The following IFTAP variants were observed in gnomAD, a reference collection of about 807,000 sequenced individuals.
The protein encoded by IFTAP is intraflagellar transport associated protein.
In IFTAP, 19 loss-of-function variants were observed where a neutral mutation model predicts 19.4. The ratio of observed to expected loss-of-function variants is 0.98; its 90% CI spans 0.68 to 1.44. The LOEUF is 1.44. Ranked by LOEUF, IFTAP falls within the 40% of genes most tolerant of loss-of-function variation. The pLI is 0.00. For synonymous variants in IFTAP, 85 were observed against 83.5 expected (o/e 1.02, Z -0.10); for missense variants, 240 against 253.6 (o/e 0.95, Z 0.36).
chr11:36,610,015 C>T lies in IFTAP; in HGVS notation c.-23-66C>T, dbSNP rs906888434. 5.6e-6 allele frequency: 8 copies of T among 1,432,808 alleles called. No homozygotes were observed. The African/African-American group carries it at 1.2e-4, about 21-fold the overall frequency. The allele number at this position is 1,432,808 out of a possible 1,614,324, so 88.8% of individuals were successfully genotyped here. A position where few individuals can be genotyped will look rare whatever the true frequency, so the allele number is the denominator to read the frequency against. ...CCTTGGAATTTTTCAACCTACCCAT[C>T]CAGAATATTTTCAAAGGGGCTGGTA... is the stretch of plus-strand genomic sequence containing the variant. On this transcript the variant is annotated intron_variant, in intron 1 of 5. Coordinates refer to ENST00000334307, the MANE Select transcript of IFTAP (RefSeq NM_138787.4).
chr11:36,640,702 A>G (rs1259435533), intron 4 of IFTAP, among the ~76,000 whole-genome samples: 1 of 152,224 alleles, frequency 6.6e-6, no homozygotes, highest in East Asian at 1.9e-4. Flanking sequence ...GAGAACTCGT[A>G]TCTAGTACTG....
At chr11:36,657,381 C>T (rs1157946890) in intron 5 of IFTAP, among the ~76,000 whole-genome samples, 1 of 152,164 alleles carries the variant, frequency 6.6e-6, no homozygotes, top group Admixed American at 6.5e-5. Context: ...TGATCTCAGA[C>T]AGTGATCAAA....
At chr11:36,635,082 G>T (rs896866887) in intron 3 of IFTAP, among the ~76,000 whole-genome samples, 5 of 152,104 alleles carry the variant, frequency 3.3e-5, no homozygotes, top group Admixed American at 6.5e-5. Context: ...TAAAAGCAAT[G>T]GCAGTACCAT....
intron 1 of IFTAP, chr11:36,594,866 C>A (rs1851143104): frequency 6.6e-6 from 1 of 152,486 alleles, no homozygotes; most frequent in African/African-American, 2.4e-5. Flanking sequence ...TCCTGCCTGT[C>A]TGGATGCTTA....
At chr11:36,631,178 G>A (rs182959466) in intron 2 of IFTAP, among the ~76,000 whole-genome samples, 2 of 151,600 alleles carry the variant, frequency 1.3e-5, no homozygotes, top group South Asian at 2.1e-4. Context: ...CCAAGGTTGG[G>A]TGCTTCGCAC....
intron 2 of IFTAP, 144 bp downstream of exon 2, chr11:36,610,383 G>A: frequency 1.4e-6 from 1 of 716,920 alleles, no homozygotes; most frequent in African/African-American, 1.8e-5. Flanking sequence ...GGGCACTCGT[G>A]ACTGATGCCC....
intron 1 of IFTAP, among the ~76,000 whole-genome samples, chr11:36,609,619 A>T (rs1233087671): frequency 6.6e-6 from 1 of 152,140 alleles, no homozygotes; most frequent in African/African-American, 2.4e-5. Context: ...GCACTTCTCC[A>T]TACTGACTCT....
intron 5 of IFTAP, among the ~76,000 whole-genome samples, chr11:36,655,442 G>T (rs1353838394): frequency 6.6e-6 from 1 of 151,984 alleles, no homozygotes; most frequent in African/African-American, 2.4e-5. Flanking sequence ...CTAATGATTT[G>T]TTTATGTGTT....
chr11:36,622,083 A>ATTTTTTTTT lies in IFTAP; in HGVS notation c.137-11195_137-11194insTTTTTTTTT, dbSNP rs199873596. ...TTATTTTACTTTAAGCTCTTGTTCT[A>ATTTTTTTTT]TTTTTTATTTTTTTTTTTGTGAAGG... On this transcript the variant is annotated intron_variant, in intron 2 of 5. Coordinates refer to ENST00000334307, the MANE Select transcript of IFTAP (RefSeq NM_138787.4). Among the ~76,000 whole-genome samples, 661 of 137,942 alleles carry ATTTTTTTTT rather than the reference A, an allele frequency of 4.8e-3. 8 individuals are homozygous for ATTTTTTTTT. The highest frequency in any genetic ancestry group is 6.2e-3 in the South Asian group (25 of 4,022). 90.5% of individuals were successfully genotyped at this position (137,942 alleles called of 152,430 possible). A position where few individuals can be genotyped will look rare whatever the true frequency, so the allele number is the denominator to read the frequency against.
At chr11:36,605,843 G>A (rs1035135343) in intron 1 of IFTAP, among the ~76,000 whole-genome samples, 2 of 152,038 alleles carry the variant, frequency 1.3e-5, no homozygotes, top group Non-Finnish European at 2.9e-5. Context: ...AAAAACCAAA[G>A]CAAAACAAAG....
chr11:36,644,522 T>C (rs1853385242), intron 4 of IFTAP, among the ~76,000 whole-genome samples: 1 of 152,156 alleles, frequency 6.6e-6, no homozygotes, highest in Non-Finnish European at 1.5e-5. Context: ...GGATTATAAA[T>C]CGTGCTGCTA....
At chr11:36,623,455 G>T (rs1839342278) in intron 2 of IFTAP, among the ~76,000 whole-genome samples, 1 of 151,750 alleles carries the variant, frequency 6.6e-6, no homozygotes, top group Non-Finnish European at 1.5e-5. Context: ...CATTTTGACA[G>T]TGAAAAAGGA....
chr11:36,616,141 A>G (rs891412079), intron 2 of IFTAP, among the ~76,000 whole-genome samples: 3 of 152,018 alleles, frequency 2.0e-5, no homozygotes, highest in Admixed American at 6.6e-5. Context: ...GTTATTTCCA[A>G]ATCTCTCTTT....
At position 36,615,881 on chromosome 11, in the gene IFTAP, C is replaced by T. The variant is rs540431911; in HGVS notation, c.136+5642C>T. On this transcript the variant is annotated intron_variant, in intron 2 of 5. Transcript: ENST00000334307. ...CTGCAAAGAGGGACAATTTGACTTC[C>T]TTTTTTCCTAATAGAGTTACTTCTA... Among the ~76,000 whole-genome samples, 5 of 151,998 alleles carry T rather than the reference C, an allele frequency of 3.3e-5. No individual in the cohort carries two copies. The East Asian group carries it at 9.7e-4, about 29-fold the overall frequency.
intron 4 of IFTAP, among the ~76,000 whole-genome samples, chr11:36,643,313 G>A (rs1026690700): frequency 8.5e-5 from 13 of 152,118 alleles, no homozygotes; most frequent in African/African-American, 2.9e-4. Flanking sequence ...CCTCTTCAAG[G>A]AGAACTACAA....
At chr11:36,611,208 T>C (rs1440148188) in intron 2 of IFTAP, among the ~76,000 whole-genome samples, 1 of 152,100 alleles carries the variant, frequency 6.6e-6, no homozygotes, top group Non-Finnish European at 1.5e-5. Context: ...TCCTTCTGGG[T>C]TCTGCTTCAG....
chr11:36,595,471 CAT>C (rs1198728818), intron 1 of IFTAP, among the ~76,000 whole-genome samples: 3 of 152,322 alleles, frequency 2.0e-5, no homozygotes, highest in African/African-American at 7.2e-5. Flanking sequence ...GGAAACAAAA[CAT>C]AGCACAGATT....
In IFTAP at chr11:36,614,996, T is replaced by C. The variant is rs1312818020; in HGVS notation, c.136+4757T>C. 9.8e-5 allele frequency among the ~76,000 whole-genome samples: 14 copies of C among 142,638 alleles called. 1 individual carries two copies. Among genetic ancestry groups the C allele is most frequent in the South Asian group, 2.2e-4 (1 of 4,518 alleles). The allele number at this position is 142,638 out of a possible 152,430, so 93.6% of individuals were successfully genotyped here. On this transcript the variant is annotated intron_variant, in intron 2 of 5. Coordinates refer to ENST00000334307, the MANE Select transcript of IFTAP (RefSeq NM_138787.4). ...GTTTCAGACATGAAGTCCTTGCCCA[T>C]GCCTATGTCCTGAATGGTAATGCCT... is the stretch of plus-strand genomic sequence containing the variant.
rs867004084 is a variant in IFTAP at position 36,633,582 on chromosome 11, T to C, written c.291+144T>C. 2.7e-5 allele frequency: 15 copies of C among 547,134 alleles called. No homozygotes were observed. The Middle Eastern group carries it at 2.0e-3, about 72-fold the overall frequency. The allele number at this position is 547,134 out of a possible 1,614,324, so 33.9% of individuals were successfully genotyped here. Reference sequence around the variant, plus strand: ...TAGAAGGAGTGCCATTGGGGCACTTTATTGAAAGTCATCATTACATATATT... The same window carrying C: ...TAGAAGGAGTGCCATTGGGGCACTTCATTGAAAGTCATCATTACATATATT... On this transcript the variant is annotated intron_variant, in intron 3 of 5. Transcript: ENST00000334307.
Sources: gnomAD v4.1 joint callset for allele counts (sites outside exome capture counted in the v4.1 genomes callset) on GRCh38, gnomAD v4.1.1 for gene constraint, MANE v1.5 for transcripts, NCBI Gene and HGNC (gene_info 2026-07-23, HGNC 2026-07-21) for gene names.